CREB5: variants seen among roughly 807,000 people sequenced by gnomAD.
The protein encoded by CREB5 is cAMP responsive element binding protein 5, also known as cyclic AMP-responsive element-binding protein 5.
CREB5 carries 19 observed loss-of-function variants against 57.1 expected under a neutral mutation model. The observed-to-expected ratio is 0.33, with a 90% CI of 0.23 to 0.49. The LOEUF (loss-of-function observed/expected upper bound fraction) is 0.49. Ranked by LOEUF, CREB5 falls within the 20% of genes least tolerant of loss-of-function variation. The pLI is 0.99. For missense variants in CREB5, 579 were observed against 671.6 expected (o/e 0.86, Z 1.52); for synonymous variants, 238 against 238.3 (o/e 1.00, Z 0.01).
chr7:28,710,641 A>G (rs903213852), intron 5 of CREB5, among the ~76,000 whole-genome samples: 3 of 152,330 alleles, frequency 2.0e-5, no homozygotes, highest in East Asian at 1.9e-4. Flanking sequence ...AACATAAATC[A>G]TTGATGAATT....
intron 5 of CREB5, among the ~76,000 whole-genome samples, chr7:28,674,456 C>T (rs1185026370): frequency 6.6e-6 from 1 of 152,196 alleles, no homozygotes; most frequent in East Asian, 1.9e-4. Flanking sequence ...GCTAATCCTT[C>T]TCTGCCCACC....
intron 1 of CREB5, among the ~76,000 whole-genome samples, chr7:28,347,049 C>T (rs1326130854): frequency 6.6e-6 from 1 of 152,226 alleles, no homozygotes; most frequent in Non-Finnish European, 1.5e-5. Flanking sequence ...CCCAATTGCT[C>T]TGTGAATATC....
rs759705785 is a variant in CREB5 at position 28,481,334 on chromosome 7, T to A, written c.4-6841T>A. On this transcript the variant is annotated intron_variant, in intron 1 of 10. Coordinates refer to ENST00000357727, the MANE Select transcript of CREB5 (RefSeq NM_182898.4). ...GGATACCAGGGGATGGCAAATATCT[T>A]TGAAGAACAGGGATATTCTTCTGGT... 5.8e-4 allele frequency among the ~76,000 whole-genome samples: 88 copies of A among 152,334 alleles called. 1 individual carries two copies. Among genetic ancestry groups the A allele is most frequent in the Middle Eastern group, 6.8e-3 (2 of 294 alleles).
At chr7:28,405,799 C>A (rs1418683422) in intron 1 of CREB5, among the ~76,000 whole-genome samples, 1 of 152,138 alleles carries the variant, frequency 6.6e-6, no homozygotes, top group African/African-American at 2.4e-5. Context: ...CAGCTTCCTC[C>A]TGGATCCCTG....
At chr7:28,316,358 G>A (rs1303949840) in intron 1 of CREB5, among the ~76,000 whole-genome samples, 3 of 152,038 alleles carry the variant, frequency 2.0e-5, no homozygotes, top group African/African-American at 4.8e-5. Context: ...GGGAAAACCT[G>A]AGCCAAAAAG....
At chr7:28,327,618 C>T (rs1325195930) in intron 1 of CREB5, among the ~76,000 whole-genome samples, 2 of 152,300 alleles carry the variant, frequency 1.3e-5, no homozygotes, top group Admixed American at 1.3e-4. Context: ...ATTTCTGTTG[C>T]CTTTGCAATC....
chr7:28,478,093 G>T (rs531577431), intron 1 of CREB5, among the ~76,000 whole-genome samples: 3 of 152,140 alleles, frequency 2.0e-5, no homozygotes, highest in Non-Finnish European at 2.9e-5. Context: ...GTGACAGAGA[G>T]AGACCATGTC....
chr7:28,624,998 AT>A (rs10603623), intron 5 of CREB5, among the ~76,000 whole-genome samples: 33,495 of 138,256 alleles, frequency 0.24, 4,338 homozygotes, highest in East Asian at 0.64. Context: ...ACCATGTTGG[AT>A]TTTTTTTTTT....
At chr7:28,303,554 A>G (rs1250318107) in intron 1 of CREB5, among the ~76,000 whole-genome samples, 1 of 152,234 alleles carries the variant, frequency 6.6e-6, no homozygotes, top group East Asian at 1.9e-4. Flanking sequence ...TAATAAATGC[A>G]TATGTGCTTT....
At chr7:28,803,755 CAAAA>C (rs562078960) in intron 7 of CREB5, among the ~76,000 whole-genome samples, 12 of 79,798 alleles carry the variant, frequency 1.5e-4, no homozygotes, top group African/African-American at 4.1e-4. Flanking sequence ...GACTCCATCT[CAAAA>C]AAAAAAAAAA....
At chr7:28,516,689 G>T (rs1237165942) in intron 4 of CREB5, among the ~76,000 whole-genome samples, 1 of 152,178 alleles carries the variant, frequency 6.6e-6, no homozygotes, top group Non-Finnish European at 1.5e-5. Flanking sequence ...CTGGGGAAAA[G>T]GTAGCTTTTC....
chr7:28,374,030 C>CT (rs1447052234), intron 1 of CREB5, among the ~76,000 whole-genome samples: 3 of 151,914 alleles, frequency 2.0e-5, no homozygotes, highest in Non-Finnish European at 4.4e-5. Flanking sequence ...ACTGGTCAGC[C>CT]TTTTTTCTTA....
At chr7:28,641,470 C>A (rs754766515) in intron 5 of CREB5, among the ~76,000 whole-genome samples, 1 of 152,184 alleles carries the variant, frequency 6.6e-6, no homozygotes, top group Non-Finnish European at 1.5e-5. Context: ...CACATAGCAA[C>A]TTTGTGGTGA....
chr7:28,626,883 A>G (rs1407549241), intron 5 of CREB5, among the ~76,000 whole-genome samples: 1 of 152,158 alleles, frequency 6.6e-6, no homozygotes, highest in Non-Finnish European at 1.5e-5. Flanking sequence ...GACGGCTTCA[A>G]TTTCTTTTCT....
intron 1 of CREB5, among the ~76,000 whole-genome samples, chr7:28,327,259 T>C (rs1785626933): frequency 6.6e-6 from 1 of 152,164 alleles, no homozygotes; most frequent in South Asian, 2.1e-4. Flanking sequence ...ATCTCTGGTA[T>C]GTTATGCATT....
At chr7:28,675,920 C>G (rs190753365) in intron 5 of CREB5, among the ~76,000 whole-genome samples, 1 of 152,262 alleles carries the variant, frequency 6.6e-6, no homozygotes, top group East Asian at 1.9e-4. Context: ...GCATTTATAG[C>G]TTATTTATTT....
chr7:28,564,201 T>C (rs530598394), intron 4 of CREB5, among the ~76,000 whole-genome samples: 56 of 152,304 alleles, frequency 3.7e-4, no homozygotes, highest in Admixed American at 1.3e-3. Flanking sequence ...AACTCTAAGA[T>C]TGCACAACTC....
At chr7:28,620,982 C>A (rs1562531590) in intron 5 of CREB5, among the ~76,000 whole-genome samples, 1 of 152,076 alleles carries the variant, frequency 6.6e-6, no homozygotes, top group Non-Finnish European at 1.5e-5. Flanking sequence ...AATGCTAATC[C>A]AAAAAGTTAT....
At chr7:28,487,061 G>T (rs7803544) in intron 1 of CREB5, among the ~76,000 whole-genome samples, 30,588 of 152,066 alleles carry the variant, frequency 0.2, 3,329 homozygotes, top group South Asian at 0.28. Flanking sequence ...CTGTCACCCA[G>T]GCTGGAGTGC....
Sources: allele counts gnomAD v4.1 joint callset (sites outside exome capture counted in the v4.1 genomes callset), GRCh38; gene constraint gnomAD v4.1.1; transcripts MANE v1.5; gene names NCBI Gene and HGNC (gene_info 2026-07-23, HGNC 2026-07-21).